HSCB: variants seen among roughly 807,000 people sequenced by gnomAD.
HSCB encodes iron-sulfur cluster co-chaperone protein HscB.
Under a neutral mutation model 31.3 loss-of-function variants are expected in HSCB, and 23 were observed. That is an observed-to-expected ratio of 0.74 (90% CI 0.53 to 1.04). HSCB has a LOEUF of 1.04. HSCB is among the 50% of genes least tolerant of loss of function. The pLI, the probability that HSCB is intolerant of heterozygous loss-of-function variation, is 0.00. For synonymous variants in HSCB, 110 were observed against 104.5 expected (o/e 1.05, Z -0.32); for missense variants, 297 against 288.1 (o/e 1.03, Z -0.22).
chr22:28,747,460 C>G (rs2029914686), intron 4 of HSCB, among the ~76,000 whole-genome samples: 1 of 152,122 alleles, frequency 6.6e-6, no homozygotes, highest in Admixed American at 6.5e-5. Context: ...ATCACCATGC[C>G]TGGCTAATTT....
chr22:28,753,397 G>A (rs1427345044), intron 5 of HSCB, among the ~76,000 whole-genome samples: 3 of 151,428 alleles, frequency 2.0e-5, no homozygotes, highest in East Asian at 2.0e-4. Flanking sequence ...GCATGGTGGC[G>A]GGCGCCTGTA....
At chr22:28,756,416 C>T (rs1349146302) in intron 5 of HSCB, among the ~76,000 whole-genome samples, 2 of 151,636 alleles carry the variant, frequency 1.3e-5, no homozygotes, top group Non-Finnish European at 1.5e-5. Flanking sequence ...TTCATATCCT[C>T]AGTATACCAC....
chr22:28,745,628 G>A, intron 3 of HSCB: 1 of 351,806 alleles, frequency 2.8e-6, no homozygotes, highest in East Asian at 4.7e-5. Flanking sequence ...ACCTCTGAGT[G>A]GAGGAATGAC....
intron 5 of HSCB, among the ~76,000 whole-genome samples, chr22:28,756,559 C>G (rs1052046382): frequency 6.6e-6 from 1 of 151,746 alleles, no homozygotes; most frequent in Non-Finnish European, 1.5e-5. Flanking sequence ...ACCTCAAACT[C>G]CTGGGCTCAA....
chr22:28,748,045 C>T (rs751574650), intron 4 of HSCB, among the ~76,000 whole-genome samples: 2 of 152,074 alleles, frequency 1.3e-5, no homozygotes, highest in African/African-American at 4.8e-5. Flanking sequence ...ATTAGCCGGG[C>T]GTGTTAGCAC....
chr22:28,754,229 TAC>T (rs1303627506), intron 5 of HSCB, among the ~76,000 whole-genome samples: 2 of 152,150 alleles, frequency 1.3e-5, no homozygotes, highest in Non-Finnish European at 2.9e-5. Context: ...AAAGGACAAA[TAC>T]TATATAATTC....
intron 4 of HSCB, among the ~76,000 whole-genome samples, chr22:28,746,866 T>G (rs1214945171): frequency 6.6e-6 from 1 of 150,382 alleles, no homozygotes; most frequent in East Asian, 2.0e-4. Flanking sequence ...GCCACTGCAT[T>G]ATAGCCTGGA....
At chr22:28,744,063 A>G in intron 2 of HSCB, 85 bp downstream of exon 2, 1 of 1,060,586 alleles carries the variant, frequency 9.4e-7, no homozygotes, top group Non-Finnish European at 1.5e-6. Flanking sequence ...ATTATCAGGG[A>G]CTGAGCTGGA....
intron 5 of HSCB, among the ~76,000 whole-genome samples, chr22:28,756,445 T>A (rs186638391): frequency 6.7e-6 from 1 of 149,918 alleles, no homozygotes; most frequent in African/African-American, 2.5e-5. Flanking sequence ...AGGGAGAAAT[T>A]TTTAAAACAC....
intron 4 of HSCB, among the ~76,000 whole-genome samples, chr22:28,749,703 T>C (rs967966202): frequency 2.6e-5 from 4 of 152,138 alleles, no homozygotes; most frequent in African/African-American, 9.6e-5. Context: ...AGCTTGGAGA[T>C]ATGTTCACAG....
rs1235536644 is a variant in HSCB, at chr22:28,742,322, T to G, written c.227T>G (p.Leu76Arg). 6.2e-7 allele frequency: 1 copy of G among 1,613,250 alleles called. No homozygotes were observed. ...GACCCCACTCGAGACTACTTCAGCC[T>G]TATGGACTGGTACGAGCGACGGTTT... The part of the protein sequence containing the change: ...APDPTRDYFS[L>R]MDCNRSFRVD... The change falls in exon 1 of 6, where the codon CTT becomes CGT. Residue 76 changes from leucine (L) to arginine (R), a missense_variant. Coordinates refer to ENST00000216027, the MANE Select transcript of HSCB (RefSeq NM_172002.5).
At chr22:28,753,507 G>A (rs191195311) in intron 5 of HSCB, among the ~76,000 whole-genome samples, 247 of 149,062 alleles carry the variant, frequency 1.7e-3, no homozygotes, top group African/African-American at 5.8e-3. Context: ...CAGCCTGGGC[G>A]ACAAGAGAAA....
At chr22:28,756,496 T>G (rs888638870) in intron 5 of HSCB, among the ~76,000 whole-genome samples, 6 of 145,240 alleles carry the variant, frequency 4.1e-5, no homozygotes, top group African/African-American at 1.5e-4. Flanking sequence ...AGAGACAGGG[T>G]CTCACCCTGT....
intron 4 of HSCB, among the ~76,000 whole-genome samples, chr22:28,750,123 C>A (rs530227151): frequency 6.6e-5 from 10 of 151,842 alleles, no homozygotes; most frequent in African/African-American, 2.4e-4. Context: ...GTGGCACACA[C>A]CTATAATCCC....
chr22:28,755,138 C>T (rs1200201703), intron 5 of HSCB, among the ~76,000 whole-genome samples: 1 of 140,578 alleles, frequency 7.1e-6, no homozygotes, highest in Non-Finnish European at 1.6e-5. Flanking sequence ...AGGCCGGGCG[C>T]GGTGGCTCAC....
chr22:28,742,989 A>C (rs1187099087), intron 1 of HSCB, among the ~76,000 whole-genome samples: 1 of 152,120 alleles, frequency 6.6e-6, no homozygotes, highest in Non-Finnish European at 1.5e-5. Context: ...GGCTGAATTA[A>C]AATAAACCGG....
chr22:28,754,200 A>G (rs1003689125), intron 5 of HSCB, among the ~76,000 whole-genome samples: 2 of 152,192 alleles, frequency 1.3e-5, no homozygotes, highest in South Asian at 4.1e-4. Flanking sequence ...ACATTGTACT[A>G]TGTGAAATGT....
At chr22:28,749,155 A>AC (rs1450028424) in intron 4 of HSCB, among the ~76,000 whole-genome samples, 1 of 151,546 alleles carries the variant, frequency 6.6e-6, no homozygotes, top group African/African-American at 2.4e-5. Flanking sequence ...AAAAAAAAAA[A>AC]AAACTTTTAA....
intron 1 of HSCB, among the ~76,000 whole-genome samples, chr22:28,743,130 A>G (rs764390865): frequency 6.6e-6 from 1 of 152,192 alleles, no homozygotes; most frequent in African/African-American, 2.4e-5. Flanking sequence ...GGCCACTGCA[A>G]TAGGGTCTTG....
Sources: gnomAD v4.1 joint callset for allele counts (sites outside exome capture counted in the v4.1 genomes callset) on GRCh38, gnomAD v4.1.1 for gene constraint, MANE v1.5 for transcripts, NCBI Gene and HGNC (gene_info 2026-07-23, HGNC 2026-07-21) for gene names.